Variants in ABCA5 observed in about 807,000 individuals in gnomAD.
The protein encoded by ABCA5 is ATP binding cassette subfamily A member 5, also known as cholesterol transporter ABCA5.
Under a neutral mutation model 206.0 loss-of-function variants are expected in ABCA5, and 163 were observed. The ratio of observed to expected loss-of-function variants is 0.79; its 90% CI spans 0.70 to 0.90. The LOEUF is 0.90. Among genes scored for constraint, ABCA5 ranks in the 40% least tolerant of loss-of-function variants. The pLI, the probability that ABCA5 is intolerant of heterozygous loss-of-function variation, is 0.00. For synonymous variants in ABCA5, 609 were observed against 613.8 expected (o/e 0.99, Z 0.11); for missense variants, 1,859 against 1,912.9 (o/e 0.97, Z 0.53).
intron 14 of ABCA5, 46 bp downstream of exon 14, chr17:69,289,131 G>T: frequency 1.3e-6 from 2 of 1,556,958 alleles, no homozygotes; most frequent in Non-Finnish European, 1.7e-6. Context: ...TTTTTAATTC[G>T]ACATAATTTA....
chr17:69,247,655 A>T lies in ABCA5; in HGVS notation c.4822-11T>A, dbSNP rs367940979. ...GAGTTCTACAAAAACCTAGGTGAAA[A>T]GAAATAAATGAATACAGTATGCTGT... On this transcript the variant is annotated splice_polypyrimidine_tract_variant and intron_variant, in intron 38 of 38. Coordinates refer to ENST00000392676, the MANE Select transcript of ABCA5 (RefSeq NM_172232.4). 149 of 1,525,664 alleles carry T rather than the reference A, an allele frequency of 9.8e-5. No individual in the cohort carries two copies. The highest frequency in any genetic ancestry group is 1.3e-4 in the Non-Finnish European group (143 of 1,107,454). 94.5% of individuals were successfully genotyped at this position (1,525,664 alleles called of 1,614,324 possible).
chr17:69,252,358 G>A (rs565288208), intron 34 of ABCA5, among the ~76,000 whole-genome samples: 2 of 151,582 alleles, frequency 1.3e-5, no homozygotes, highest in East Asian at 1.9e-4. Context: ...TTGAAAGCTT[G>A]TCAAATGGAA....
At chr17:69,250,727 A>T in intron 35 of ABCA5, 106 bp from the exon 36 acceptor site, 1 of 800,716 alleles carries the variant, frequency 1.2e-6, no homozygotes, top group Non-Finnish European at 1.8e-6. Context: ...TTATATTTAG[A>T]GAAAAATTAC....
rs1366712999 is a variant in ABCA5, at chr17:69,256,248, G to A, written c.3767C>T (p.Pro1256Leu). The change falls in exon 29 of 39, where the codon CCA becomes CTA. Residue 1256 changes from proline to leucine, a missense_variant. Physicochemically the swap from Pro to Leu is moderately conservative, Grantham distance 98 (BLOSUM62 -3). Transcript: ENST00000392676. The stretch of plus-strand genomic sequence containing the variant: ...TTCATCCTCATTGTCTGGTGGTTCT[G>A]GAAGCTTCCTATTTTTAGACTTCGT... ...LSTKSKNRKL[P>L]EPPDNEDEDE... The A allele has an allele frequency of 6.9e-6, 11 of 1,605,078 alleles. No homozygotes were observed. Among genetic ancestry groups the A allele is most frequent in the African/African-American group, 4.0e-5 (3 of 74,418 alleles).
rs542515774 is a variant in ABCA5, at chr17:69,253,867, A to G, written c.4247T>C (p.Ile1416Thr). ...ASDMKEVISRITHALDLKEHL... is the reference protein window; with the variant it reads ...ASDMKEVISRTTHALDLKEHL... The stretch of plus-strand genomic sequence containing the variant: ...TTCTTTTAAATCAAGTGCATGTGTT[A>G]TTCTGCAAAATGAACAATACAAAAT... Residue 1416 changes from isoleucine to threonine, a missense_variant and splice_region_variant, in exon 33 of 39, where the codon ATA (isoleucine) becomes ACA (threonine). Physicochemically the swap from Ile to Thr is moderately conservative, Grantham distance 89. Transcript: ENST00000392676. The G allele has an allele frequency of 1.4e-5, 22 of 1,608,234 alleles. No homozygotes were observed. The South Asian group carries it at 1.8e-4, about 13-fold the overall frequency.
intron 1 of ABCA5, among the ~76,000 whole-genome samples, chr17:69,316,636 C>T (rs148633606): frequency 1.8e-3 from 270 of 148,360 alleles, no homozygotes; most frequent in African/African-American, 6.4e-3. Flanking sequence ...CTGAAAACTT[C>T]CAATTTAGCA....
At chr17:69,293,888 G>C (rs1018253373) in intron 11 of ABCA5, among the ~76,000 whole-genome samples, 1 of 137,522 alleles carries the variant, frequency 7.3e-6, no homozygotes, top group South Asian at 2.5e-4. Flanking sequence ...GTGTGTGTTT[G>C]TGTGTGTGTG....
rs1034314701 is a variant in ABCA5 at position 69,260,954 on chromosome 17, TAC to T, written c.3564+169_3564+170del. 5.6e-4 allele frequency among the ~76,000 whole-genome samples: 85 copies of T among 152,112 alleles called. 1 individual carries two copies. The highest frequency in any genetic ancestry group is 1.9e-3 in the African/African-American group (80 of 41,570). On this transcript the variant is annotated intron_variant, in intron 26 of 38. Coordinates refer to ENST00000392676, the MANE Select transcript of ABCA5 (RefSeq NM_172232.4). The stretch of plus-strand genomic sequence containing the variant: ...ACATAGCCCTTTTCCTTTGAGAATT[TAC>T]AGTTTGACAAGAGCTCACAATAATT...
Position 69,302,232 on chromosome 17 carries a change from G to C in ABCA5, c.1119+486C>G, listed in dbSNP as rs568322526. On this transcript the variant is annotated intron_variant, in intron 8 of 38. Coordinates refer to ENST00000392676, the MANE Select transcript of ABCA5 (RefSeq NM_172232.4). ...GTAAGGACTAATAAAAATAATATTTGTAAGTCTGAATGTTATTTTGAATGA... is the reference window on the plus strand; with the variant it reads ...GTAAGGACTAATAAAAATAATATTTCTAAGTCTGAATGTTATTTTGAATGA... Among the ~76,000 whole-genome samples, 4 of 152,226 alleles carry C rather than the reference G, an allele frequency of 2.6e-5. No homozygotes were observed. In the East Asian group the frequency reaches 7.7e-4, roughly 29 times the overall value.
intron 34 of ABCA5, among the ~76,000 whole-genome samples, chr17:69,252,391 T>A (rs1414126834): frequency 6.6e-6 from 1 of 152,150 alleles, no homozygotes; most frequent in African/African-American, 2.4e-5. Flanking sequence ...TGATTTCAAA[T>A]GTTAATATGG....
chr17:69,252,610 C>T (rs911675154), intron 34 of ABCA5, among the ~76,000 whole-genome samples: 7 of 151,970 alleles, frequency 4.6e-5, no homozygotes, highest in Admixed American at 2.0e-4. Flanking sequence ...CCGAAGGGGG[C>T]GGATCACCTG....
chr17:69,316,013 A>T (rs1019714729), intron 1 of ABCA5, among the ~76,000 whole-genome samples: 2 of 152,182 alleles, frequency 1.3e-5, no homozygotes, highest in South Asian at 4.1e-4. Flanking sequence ...ACACAATAAG[A>T]AATAAATACA....
chr17:69,257,638 T>C (rs2075098472), intron 28 of ABCA5, among the ~76,000 whole-genome samples: 1 of 151,644 alleles, frequency 6.6e-6, no homozygotes, highest in Non-Finnish European at 1.5e-5. Flanking sequence ...ATGAGATCCA[T>C]GGGTTCTTTC....
intron 19 of ABCA5, among the ~76,000 whole-genome samples, chr17:69,275,211 CT>C (rs2075318269): frequency 6.6e-6 from 1 of 152,136 alleles, no homozygotes; most frequent in Non-Finnish European, 1.5e-5. Flanking sequence ...TACAATTAAA[CT>C]CTGAATGGCT....
chr17:69,320,229 C>G (rs1831528880), intron 1 of ABCA5, among the ~76,000 whole-genome samples: 1 of 151,850 alleles, frequency 6.6e-6, no homozygotes, highest in African/African-American at 2.4e-5. Flanking sequence ...AATTACAGAA[C>G]TTAGAAATGA....
intron 1 of ABCA5, among the ~76,000 whole-genome samples, chr17:69,317,506 T>C (rs918232825): frequency 2.0e-5 from 3 of 150,440 alleles, no homozygotes; most frequent in Admixed American, 6.6e-5. Flanking sequence ...AAATGTCAAA[T>C]GTTATATGAT....
At chr17:69,318,267 G>T (rs1209311457) in intron 1 of ABCA5, among the ~76,000 whole-genome samples, 1 of 151,986 alleles carries the variant, frequency 6.6e-6, no homozygotes, top group Non-Finnish European at 1.5e-5. Flanking sequence ...GCTAATTTTT[G>T]TATTTTTAGT....
intron 1 of ABCA5, chr17:69,319,010 G>T (rs2145051264): frequency 4.3e-6 from 2 of 467,702 alleles, no homozygotes; most frequent in Non-Finnish European, 7.8e-6. Flanking sequence ...TCTCAAAAGG[G>T]CCTGTTTTAC....
chr17:69,249,614 TG>T (rs1406989258), intron 37 of ABCA5: 1 of 356,788 alleles, frequency 2.8e-6, no homozygotes, highest in Non-Finnish European at 5.1e-6. Flanking sequence ...CTCTAAAAAT[TG>T]TAAAAGGTTT....
Sources: allele counts gnomAD v4.1 joint callset (sites outside exome capture counted in the v4.1 genomes callset), GRCh38; gene constraint gnomAD v4.1.1; transcripts MANE v1.5; gene names NCBI Gene and HGNC (gene_info 2026-07-23, HGNC 2026-07-21).